The following RUNX1T1 variants were observed in gnomAD, a reference collection of about 807,000 sequenced individuals.
RUNX1T1 encodes the protein RUNX1 partner transcriptional co-repressor 1.
RUNX1T1 carries 4 observed loss-of-function variants against 62.8 expected under a neutral mutation model. The observed-to-expected ratio is 0.06, with a 90% CI of 0.03 to 0.15. The LOEUF is 0.15. RUNX1T1 is among the 10% of genes least tolerant of loss of function. The probability of loss-of-function intolerance (pLI) is 1.00; values close to 1 mark genes in which losing one functional copy is unlikely to be tolerated. For synonymous variants in RUNX1T1, 291 were observed against 286.0 expected (o/e 1.02, Z -0.18); for missense variants, 508 against 754.3 (o/e 0.67, Z 3.82).
intron 9 of RUNX1T1, among the ~76,000 whole-genome samples, chr8:91,975,213 T>C (rs1197063869): frequency 1.3e-5 from 2 of 152,352 alleles, no homozygotes; most frequent in Admixed American, 6.5e-5. Flanking sequence ...CTCACAGATC[T>C]GGACTTCTTT....
intron 1 of RUNX1T1, chr8:92,062,452 C>T: frequency 1.5e-6 from 2 of 1,361,814 alleles, no homozygotes; most frequent in South Asian, 1.2e-5. Context: ...TCAGATACAA[C>T]ACGCTGTGGG....
intron 1 of RUNX1T1, among the ~76,000 whole-genome samples, chr8:92,025,380 A>G (rs1587096502): frequency 6.6e-6 from 1 of 151,776 alleles, no homozygotes; most frequent in African/African-American, 2.4e-5. Flanking sequence ...TCTGCCATCC[A>G]CCCCATCCCC....
At chr8:92,072,522 T>TG (rs1833838290) in intron 2 of RUNX1T1, among the ~76,000 whole-genome samples, 1 of 152,234 alleles carries the variant, frequency 6.6e-6, no homozygotes, top group African/African-American at 2.4e-5. Context: ...AGTAAAATAT[T>TG]GGCTGAAAGA....
chr8:92,017,077 T>A (rs1823157689), intron 2 of RUNX1T1, 149 bp downstream of exon 3: 3 of 629,576 alleles, frequency 4.8e-6, no homozygotes, highest in Non-Finnish European at 8.4e-6. Context: ...GCTCAGTACC[T>A]ACTTACTGGC....
At chr8:92,061,738 C>A (rs1293140988) in intron 1 of RUNX1T1, among the ~76,000 whole-genome samples, 1 of 152,190 alleles carries the variant, frequency 6.6e-6, no homozygotes, top group East Asian at 1.9e-4. Flanking sequence ...AAATAATCCA[C>A]ATAAATCGGC....
intron 1 of RUNX1T1, chr8:92,017,730 C>G: frequency 3.4e-6 from 3 of 877,028 alleles, no homozygotes; most frequent in Non-Finnish European, 4.4e-6. Flanking sequence ...CCCCTCATGA[C>G]AGCTCAGAAA....
intron 1 of RUNX1T1, 22 bp from the exon 3 acceptor site, chr8:92,017,385 A>G (rs756316514): frequency 9.3e-6 from 15 of 1,614,052 alleles, no homozygotes; most frequent in Non-Finnish European, 1.2e-5. Flanking sequence ...CACCAGGAAC[A>G]TATTATTTTA....
chr8:92,072,949 G>A (rs1248917998), intron 2 of RUNX1T1, among the ~76,000 whole-genome samples: 1 of 152,082 alleles, frequency 6.6e-6, no homozygotes, highest in Non-Finnish European at 1.5e-5. Flanking sequence ...CACACAATAT[G>A]TAAAAATTGA....
chr8:91,975,993 G>C lies in RUNX1T1; in HGVS notation c.1199-20C>G, dbSNP rs754374466. On this transcript the variant is annotated intron_variant, in intron 8 of 10. Transcript: ENST00000396218. ...GCGCGTCTATGAAAAGGATGGGAAG[G>C]GGGTGGAGAGAGGAGGAGAGTACTG... is the stretch of plus-strand genomic sequence containing the variant. 1 of 1,586,736 alleles carries C rather than the reference G, an allele frequency of 6.3e-7. No homozygotes were observed. Among genetic ancestry groups the C allele is most frequent in the Non-Finnish European group, 8.7e-7 (1 of 1,155,186 alleles).
In RUNX1T1 at chr8:91,979,822, T is replaced by C. The variant is rs577413255; in HGVS notation, c.1199-3849A>G. On this transcript the variant is annotated intron_variant, in intron 8 of 10. Transcript: ENST00000396218. ...ATACTAGATACTGCAAGGGCCGCCA[T>C]CAATATACATGAAGGGATGAGCTGA... 5 of 530,826 alleles carry C rather than the reference T, an allele frequency of 9.4e-6. No individual in the cohort carries two copies. The East Asian group carries it at 2.0e-4, about 21-fold the overall frequency. The allele number at this position is 530,826 out of a possible 1,614,324, so 32.9% of individuals were successfully genotyped here.
intron 1 of RUNX1T1, among the ~76,000 whole-genome samples, chr8:92,062,029 G>T (rs1832118780): frequency 6.6e-6 from 1 of 152,174 alleles, no homozygotes; most frequent in Non-Finnish European, 1.5e-5. Context: ...TCAATTATTT[G>T]TCTGATGACA....
At chr8:92,080,356 A>G (rs1212021683) in intron 1 of RUNX1T1, among the ~76,000 whole-genome samples, 1 of 152,044 alleles carries the variant, frequency 6.6e-6, no homozygotes, top group African/African-American at 2.4e-5. Context: ...GCAACCTTTT[A>G]CCTGCCAGGT....
At chr8:91,991,943 A>G in intron 5 of RUNX1T1, 54 bp from the exon 7 acceptor site, 1 of 1,580,140 alleles carries the variant, frequency 6.3e-7, no homozygotes, top group Non-Finnish European at 8.7e-7. Flanking sequence ...AAACCAGCAC[A>G]GTTCAGTCAC....
intron 5 of RUNX1T1, among the ~76,000 whole-genome samples, chr8:92,003,917 T>C (rs1474056635): frequency 6.6e-6 from 1 of 152,252 alleles, no homozygotes; most frequent in Non-Finnish European, 1.5e-5. Flanking sequence ...AGGGGACTAA[T>C]ATTTAACTGT....
At chr8:91,959,167 G>A (rs1809840489) in exon 11 of RUNX1T1, 1 of 194,038 alleles carries the variant, frequency 5.2e-6, no homozygotes, top group Admixed American at 6.7e-5. Flanking sequence ...AACACCAAGA[G>A]AACTACTAGT....
chr8:91,999,283 C>G (rs1168063630), intron 5 of RUNX1T1, among the ~76,000 whole-genome samples: 8 of 152,138 alleles, frequency 5.3e-5, no homozygotes, highest in Non-Finnish European at 1.2e-4. Context: ...CTCATAAGGA[C>G]AGAGGTTTTG....
chr8:92,023,744 T>C (rs1404000835), intron 1 of RUNX1T1, among the ~76,000 whole-genome samples: 1 of 152,188 alleles, frequency 6.6e-6, no homozygotes, highest in African/African-American at 2.4e-5. Flanking sequence ...AGACTGTCTG[T>C]CTAAACATTT....
At chr8:92,065,905 T>C (rs1832806359), upstream of RUNX1T1, among the ~76,000 whole-genome samples, 1 of 152,188 alleles carries the variant, frequency 6.6e-6, no homozygotes, top group South Asian at 2.1e-4. Flanking sequence ...GAAACCTCAT[T>C]GATCCTAATT....
intron 1 of RUNX1T1, among the ~76,000 whole-genome samples, chr8:92,025,628 C>T (rs867179457): frequency 6.6e-6 from 1 of 152,214 alleles, no homozygotes; most frequent in Non-Finnish European, 1.5e-5. Flanking sequence ...CTGTCTAGAT[C>T]CCTCCTGCAG....
Sources: allele counts gnomAD v4.1 joint callset (sites outside exome capture counted in the v4.1 genomes callset), GRCh38; gene constraint gnomAD v4.1.1; transcripts MANE v1.5; gene names NCBI Gene and HGNC (gene_info 2026-07-23, HGNC 2026-07-21).